YME1L1: variants seen among roughly 807,000 people sequenced by gnomAD.
The protein encoded by YME1L1 is ATP-dependent zinc metalloprotease YME1L1.
YME1L1 carries 39 observed loss-of-function variants against 90.4 expected under a neutral mutation model. The observed-to-expected ratio is 0.43, with a 90% CI of 0.33 to 0.56. The LOEUF (loss-of-function observed/expected upper bound fraction) is 0.56. Among genes scored for constraint, YME1L1 ranks in the 20% least tolerant of loss-of-function variants. YME1L1 has a pLI of 0.03. For synonymous variants in YME1L1, 284 were observed against 287.3 expected (o/e 0.99, Z 0.12); for missense variants, 617 against 868.4 (o/e 0.71, Z 3.64).
At chr10:27,149,592 T>C (rs2057186083) in intron 1 of YME1L1, among the ~76,000 whole-genome samples, 1 of 151,138 alleles carries the variant, frequency 6.6e-6, no homozygotes, top group South Asian at 2.1e-4. Context: ...GCGCCTGTAG[T>C]CTCAGCTACT....
intron 1 of YME1L1, among the ~76,000 whole-genome samples, chr10:27,153,031 C>T (rs930316806): frequency 1.3e-5 from 2 of 152,170 alleles, no homozygotes; most frequent in Non-Finnish European, 2.9e-5. Context: ...TCTGTCACTA[C>T]CCCCTTTAAC....
intron 10 of YME1L1, 62 bp downstream of exon 10, chr10:27,123,485 G>A: frequency 2.0e-6 from 3 of 1,530,852 alleles, no homozygotes; most frequent in East Asian, 2.4e-5. Context: ...GCAAAGAAAG[G>A]GTAAGATACA....
intron 4 of YME1L1, among the ~76,000 whole-genome samples, chr10:27,141,000 G>C (rs920369852): frequency 2.0e-5 from 3 of 152,052 alleles, no homozygotes; most frequent in Non-Finnish European, 1.5e-5. Flanking sequence ...TTCTTTAGAG[G>C]GTTATTAGTC....
intron 7 of YME1L1, among the ~76,000 whole-genome samples, chr10:27,133,836 A>C (rs1380326093): frequency 1.3e-5 from 2 of 152,158 alleles, no homozygotes; most frequent in African/African-American, 4.8e-5. Flanking sequence ...CACCCTGTTG[A>C]CCAGGATAAT....
rs1374567015 is a variant in YME1L1, at chr10:27,136,142, G to A, written c.540+134C>T. 1.2e-4 allele frequency: 83 copies of A among 719,686 alleles called. No homozygotes were observed. The East Asian group carries it at 2.1e-3, about 18-fold the overall frequency. The allele number at this position is 719,686 out of a possible 1,614,324, so 44.6% of individuals were successfully genotyped here. On this transcript the variant is annotated intron_variant, in intron 5 of 18. Coordinates refer to ENST00000376016, the MANE Select transcript of YME1L1 (RefSeq NM_014263.4). The stretch of plus-strand genomic sequence containing the variant: ...GAGTTAGAGGTATAATGATTACACA[G>A]GTTACTAATCCCTTATTATTAGTGG...
chr10:27,147,228 C>T (rs1276657721), intron 2 of YME1L1: 7 of 608,944 alleles, frequency 1.1e-5, no homozygotes, highest in Non-Finnish European at 2.0e-5. Context: ...CATGGTGGCT[C>T]GAGCCTGTAA....
intron 7 of YME1L1, among the ~76,000 whole-genome samples, chr10:27,132,318 T>A (rs1223554935): frequency 3.3e-5 from 5 of 151,608 alleles, no homozygotes; most frequent in African/African-American, 1.2e-4. Flanking sequence ...AGGCTGGTCT[T>A]GAACTCCTGA....
chr10:27,110,521 T>C lies in YME1L1; in HGVS notation c.*1456A>G, dbSNP rs1271079323. ...GAATATAATCTGGTTGTAATACCAA[T>C]ACAATGTGTTCTAAAATAATTTTTC... is the stretch of plus-strand genomic sequence containing the variant. On this transcript the variant is annotated 3_prime_UTR_variant, in exon 19 of 19. Coordinates refer to ENST00000376016, the MANE Select transcript of YME1L1 (RefSeq NM_014263.4). 1.3e-5 allele frequency: 2 copies of C among 152,340 alleles called. No homozygotes were observed. The highest frequency in any genetic ancestry group is 2.9e-5 in the Non-Finnish European group (2 of 68,018). The allele number at this position is 152,340 out of a possible 1,614,324, so 9.4% of individuals were successfully genotyped here. A position where few individuals can be genotyped will look rare whatever the true frequency, so the allele number is the denominator to read the frequency against.
At chr10:27,138,906 T>C (rs2057056480) in intron 4 of YME1L1, among the ~76,000 whole-genome samples, 1 of 152,152 alleles carries the variant, frequency 6.6e-6, no homozygotes, top group Non-Finnish European at 1.5e-5. Context: ...TTTCCTTCCA[T>C]TTCTAACTTT....
At chr10:27,139,960 T>G (rs2057069434) in intron 4 of YME1L1, among the ~76,000 whole-genome samples, 1 of 152,208 alleles carries the variant, frequency 6.6e-6, no homozygotes, top group Non-Finnish European at 1.5e-5. Flanking sequence ...TATTAATTTC[T>G]TCTATTATTT....
Position 27,110,220 on chromosome 10 carries a change from A to C in YME1L1, c.*1757T>G, listed in dbSNP as rs1015047964. 2 of 152,244 alleles carry C rather than the reference A, an allele frequency of 1.3e-5. No homozygotes were observed. The highest frequency in any genetic ancestry group is 1.3e-4 in the Admixed American group (2 of 15,276). 9.4% of individuals were successfully genotyped at this position (152,244 alleles called of 1,614,324 possible). ...ATTTTATACGTGTATGTATGTACATACAGAGAGGGAGACAGAACAGGTTTG... is the reference window on the plus strand; with the variant it reads ...ATTTTATACGTGTATGTATGTACATCCAGAGAGGGAGACAGAACAGGTTTG... On this transcript the variant is annotated 3_prime_UTR_variant, in exon 19 of 19. Transcript: ENST00000376016.
intron 17 of YME1L1, among the ~76,000 whole-genome samples, chr10:27,115,014 G>A (rs566792708): frequency 3.3e-5 from 5 of 150,416 alleles, no homozygotes; most frequent in South Asian, 4.2e-4. Context: ...GTGACAGAGC[G>A]AGACTCCGTC....
At chr10:27,116,965 T>A (rs549610132) in intron 15 of YME1L1, among the ~76,000 whole-genome samples, 7 of 152,184 alleles carry the variant, frequency 4.6e-5, no homozygotes, top group Non-Finnish European at 1.0e-4. Context: ...AATAAAAAAA[T>A]ACAAACCAGA....
At chr10:27,134,806 C>G (rs2057009952) in intron 6 of YME1L1, 25 bp downstream of exon 6, 1 of 1,610,074 alleles carries the variant, frequency 6.2e-7, no homozygotes, top group Non-Finnish European at 8.5e-7. Flanking sequence ...TCTTCTCAAA[C>G]ACGGATGGTG....
rs2056811248 is a variant in YME1L1 at position 27,116,200 on chromosome 10, G to T, written c.1846+19C>A. The T allele has an allele frequency of 6.2e-7, 1 of 1,613,962 alleles. No homozygotes were observed. Among genetic ancestry groups the T allele is most frequent in the East Asian group, 2.2e-5 (1 of 44,870 alleles). ...AAGACCACATATAATTTGAACTAAAGCCATTCTTTAAAGCTAACCTGTTGT... is the reference window on the plus strand; with the variant it reads ...AAGACCACATATAATTTGAACTAAATCCATTCTTTAAAGCTAACCTGTTGT... On this transcript the variant is annotated intron_variant, in intron 16 of 18. Coordinates refer to ENST00000376016, the MANE Select transcript of YME1L1 (RefSeq NM_014263.4).
At chr10:27,124,605 A>T (rs2056898789) in intron 9 of YME1L1, among the ~76,000 whole-genome samples, 1 of 152,202 alleles carries the variant, frequency 6.6e-6, no homozygotes. Flanking sequence ...GTTATACTTA[A>T]CTGGTTTAAA....
chr10:27,138,956 T>C (rs1168197236), intron 4 of YME1L1, among the ~76,000 whole-genome samples: 1 of 152,212 alleles, frequency 6.6e-6, no homozygotes, highest in African/African-American at 2.4e-5. Context: ...AAATATATCA[T>C]GTCTTTTTAT....
chr10:27,119,416 A>G lies in YME1L1; in HGVS notation c.1445T>C (p.Val482Ala), dbSNP rs1564456476. The change falls in exon 14 of 19, where the codon GTT (valine) becomes GCT (alanine). Residue 482 changes from valine (V) to alanine (A), a missense_variant. Physicochemically the swap from Val to Ala is moderately conservative, Grantham distance 64. Coordinates refer to ENST00000376016, the MANE Select transcript of YME1L1 (RefSeq NM_014263.4). ...VDPEIIARGTVGFSGAELENL... is the reference protein window; with the variant it reads ...VDPEIIARGTAGFSGAELENL... ...CTCCAACTCTGCTCCGGAAAAGCCAACAGTACCTCGAGCTATAATTTCTGG... is the reference window on the plus strand; with the variant it reads ...CTCCAACTCTGCTCCGGAAAAGCCAGCAGTACCTCGAGCTATAATTTCTGG... The G allele has an allele frequency of 3.7e-6, 6 of 1,613,114 alleles. No homozygotes were observed. Among genetic ancestry groups the G allele is most frequent in the Non-Finnish European group, 5.1e-6 (6 of 1,179,632 alleles).
Position 27,148,985 on chromosome 10 carries a change from G to A in YME1L1, c.89C>T (p.Ser30Phe), listed in dbSNP as rs773245726. ...AACTGACACTCCACTGAGAGAAACA[G>A]AAGTGTTTTTTGGTGTATGGAAGGC... Reference protein sequence around the residue: ...INAFHTPKNTSVSLSGVSVSQ... With the variant: ...INAFHTPKNTFVSLSGVSVSQ... Residue 30 changes from serine (S) to phenylalanine (F), a missense_variant, in exon 2 of 19, where the codon TCT (serine) becomes TTT (phenylalanine). This residue lies in a region of YME1L1 where 311 missense variants were observed against 335.8 expected (regional missense o/e 0.93). Coordinates refer to ENST00000376016, the MANE Select transcript of YME1L1 (RefSeq NM_014263.4). 1.2e-6 allele frequency: 2 copies of A among 1,614,002 alleles called. No individual in the cohort carries two copies. The highest frequency in any genetic ancestry group is 1.7e-6 in the Non-Finnish European group (2 of 1,179,932).
Sources: gnomAD v4.1 joint callset for allele counts (sites outside exome capture counted in the v4.1 genomes callset) on GRCh38, gnomAD v4.1.1 for gene constraint, gnomAD v4.1.1 regional missense constraint, MANE v1.5 for transcripts, NCBI Gene and HGNC (gene_info 2026-07-23, HGNC 2026-07-21) for gene names.